Variants in CEACAM7 observed in about 807,000 individuals in gnomAD.
CEACAM7 encodes cell adhesion molecule CEACAM7.
CEACAM7 carries 24 observed loss-of-function variants against 25.7 expected under a neutral mutation model. The ratio of observed to expected loss-of-function variants is 0.93; its 90% CI spans 0.68 to 1.31. CEACAM7 has a LOEUF of 1.31. Among genes scored for constraint, CEACAM7 ranks in the 40% most tolerant of loss-of-function variants. The probability of loss-of-function intolerance (pLI) is 0.00; values close to 1 mark genes in which losing one functional copy is unlikely to be tolerated. For synonymous variants in CEACAM7, 144 were observed against 129.4 expected, an observed-to-expected ratio of 1.11 and a Z score of -0.77; for missense variants, 324 against 330.1, an observed-to-expected ratio of 0.98 and a Z score of 0.14.
chr19:41,676,655 T>C (rs771803867), intron 4 of CEACAM7, among the ~76,000 whole-genome samples: 88 of 152,336 alleles, frequency 5.8e-4, no homozygotes, highest in Middle Eastern at 6.8e-3. Context: ...TTAGGTTGTG[T>C]CCTGAGTCTC....
rs782695391 is a variant in CEACAM7, at chr19:41,688,121, C to G, written c.45G>C (p.Trp15Cys). 6.2e-7 allele frequency: 1 copy of G among 1,611,496 alleles called. No homozygotes were observed. Among genetic ancestry groups the G allele is most frequent in the East Asian group, 2.2e-5 (1 of 44,604 alleles). ...CCTCACCTGTGAGCAGGAGCCCCTG[C>G]CAGGGAATGCACACTCTGTATGGAC... ...SACPYRVCIP[W>C]QGLLLTASLL... The change falls in exon 1 of 5, where the codon TGG becomes TGC. Residue 15 changes from tryptophan (W) to cysteine (C), a missense_variant. Trp to Cys is a radical substitution (Grantham distance 215, BLOSUM62 -2). Transcript: ENST00000401731.
rs117213899 is a variant in CEACAM7 at position 41,674,511 on chromosome 19, A to T, written c.*265T>A. ...TTGGGAAAAACTGTCCACAGCATGA[A>T]GTCATCAACTTCTTGTCCTGGTTGG... is the stretch of plus-strand genomic sequence containing the variant. On this transcript the variant is annotated 3_prime_UTR_variant, in exon 5 of 5. Coordinates refer to ENST00000401731, the MANE Select transcript of CEACAM7 (RefSeq NM_001291485.2). 1.7e-3 allele frequency: 299 copies of T among 171,138 alleles called. 2 individuals are homozygous for T. In the East Asian group the frequency reaches 0.034, roughly 19 times the overall value. The allele number at this position is 171,138 out of a possible 1,614,324, so 10.6% of individuals were successfully genotyped here.
intron 4 of CEACAM7, among the ~76,000 whole-genome samples, chr19:41,675,740 T>C (rs1246982724): frequency 6.6e-6 from 1 of 152,214 alleles, no homozygotes; most frequent in African/African-American, 2.4e-5. Flanking sequence ...GACTTCAGAT[T>C]TGATAGATTT....
chr19:41,687,138 C>T lies in CEACAM7; in HGVS notation c.148G>A (p.Glu50Lys). Residue 50 changes from glutamate (E) to lysine (K), a missense_variant, in exon 2 of 5, where the codon GAG becomes AAG. Transcript: ENST00000401731. Reference protein sequence around the residue: ...VVPFNVAEGKEVLLVVHNESQ... With the variant: ...VVPFNVAEGKKVLLVVHNESQ... Reference sequence around the variant, plus strand: ...TCATTATGGACTACTAGAAGGACCTCCTTCCCTTCTGCGACATTGAACGGC... The same window carrying T: ...TCATTATGGACTACTAGAAGGACCTTCTTCCCTTCTGCGACATTGAACGGC... 2 of 1,614,082 alleles carry T rather than the reference C, an allele frequency of 1.2e-6. No individual in the cohort carries two copies. Among genetic ancestry groups the T allele is most frequent in the Non-Finnish European group, 1.7e-6 (2 of 1,179,966 alleles).
chr19:41,675,758 A>T (rs1568684725), intron 4 of CEACAM7, among the ~76,000 whole-genome samples: 2 of 152,234 alleles, frequency 1.3e-5, no homozygotes, highest in African/African-American at 4.8e-5. Context: ...TTTGATGATA[A>T]TGACACCACT....
intron 3 of CEACAM7, among the ~76,000 whole-genome samples, chr19:41,682,982 G>A (rs1285122859): frequency 6.6e-6 from 1 of 152,230 alleles, no homozygotes; most frequent in South Asian, 2.1e-4. Flanking sequence ...ACAGGGAGGA[G>A]GGTCTGCAGA....
At position 41,687,068 on chromosome 19, in the gene CEACAM7, A is replaced by G; in HGVS notation, c.218T>C (p.Val73Ala). 2 of 1,613,826 alleles carry G rather than the reference A, an allele frequency of 1.2e-6. No homozygotes were observed. The highest frequency in any genetic ancestry group is 1.7e-6 in the Non-Finnish European group (2 of 1,179,960). Residue 73 changes from valine to alanine, a missense_variant, in exon 2 of 5, where the codon GTG (valine) becomes GCG (alanine). Physicochemically the swap from Val to Ala is moderately conservative, Grantham distance 64. Transcript: ENST00000401731. The part of the protein sequence containing the change: ...YGYNWYKGER[V>A]HANYRIIGYV... ...TCCTATAATTCGATAGTTGGCATGCACCCTTTCCCCTTTGTACCAGTTGTA... is the reference window on the plus strand; with the variant it reads ...TCCTATAATTCGATAGTTGGCATGCGCCCTTTCCCCTTTGTACCAGTTGTA...
In CEACAM7 at chr19:41,687,095, C is replaced by T. The variant is rs782368507; in HGVS notation, c.191G>A (p.Gly64Asp). Residue 64 changes from glycine (G) to aspartate (D), a missense_variant, in exon 2 of 5, where the codon GGC becomes GAC. Gly to Asp is a moderately conservative substitution (Grantham distance 94). Coordinates refer to ENST00000401731, the MANE Select transcript of CEACAM7 (RefSeq NM_001291485.2). ...VVHNESQNLY[G>D]YNWYKGERVH... is the part of the protein sequence containing the mutation. ...CCTTTCCCCTTTGTACCAGTTGTAG[C>T]CATAAAGATTCTGGGACTCATTATG... 1.2e-6 allele frequency: 2 copies of T among 1,614,080 alleles called. No individual in the cohort carries two copies. The highest frequency in any genetic ancestry group is 2.2e-5 in the East Asian group (1 of 44,882).
chr19:41,682,967 G>A (rs2072189979), intron 3 of CEACAM7, among the ~76,000 whole-genome samples: 1 of 152,186 alleles, frequency 6.6e-6, no homozygotes, highest in Non-Finnish European at 1.5e-5. Flanking sequence ...AGAAATTACT[G>A]AAGTACAGGG....
rs2072124314 is a variant in CEACAM7 at position 41,677,335 on chromosome 19, C to T, written c.*36+41G>A. On this transcript the variant is annotated intron_variant, in intron 4 of 4. Coordinates refer to ENST00000401731, the MANE Select transcript of CEACAM7 (RefSeq NM_001291485.2). ...CCCTCTCCCAAGCATGGCAGTCAGC[C>T]CTGCAGGAAATAGGATAAGAGGAAA... The T allele has an allele frequency of 3.7e-6, 4 of 1,084,408 alleles. No homozygotes were observed. The South Asian group carries it at 4.0e-5, about 11-fold the overall frequency. The allele number at this position is 1,084,408 out of a possible 1,614,324, so 67.2% of individuals were successfully genotyped here. A position where few individuals can be genotyped will look rare whatever the true frequency, so the allele number is the denominator to read the frequency against.
Position 41,688,208 on chromosome 19 carries a change from C to G in CEACAM7, c.-43G>C. 1.3e-6 allele frequency: 2 copies of G among 1,596,384 alleles called. No homozygotes were observed. Among genetic ancestry groups the G allele is most frequent in the Non-Finnish European group, 1.7e-6 (2 of 1,170,936 alleles). ...TGTCCTCTGTGGAGAAGAGCTTGGGCTCCAGGAACTCTCTTGTCAGGGCTG... is the reference window on the plus strand; with the variant it reads ...TGTCCTCTGTGGAGAAGAGCTTGGGGTCCAGGAACTCTCTTGTCAGGGCTG... On this transcript the variant is annotated 5_prime_UTR_variant, in exon 1 of 5. Coordinates refer to ENST00000401731, the MANE Select transcript of CEACAM7 (RefSeq NM_001291485.2).
rs562758482 is a variant in CEACAM7, at chr19:41,673,403, C to G, written c.*1373G>C. 1.2e-4 allele frequency: 19 copies of G among 152,148 alleles called. No homozygotes were observed. Among genetic ancestry groups the G allele is most frequent in the African/African-American group, 4.6e-4 (19 of 41,424 alleles). The allele number at this position is 152,148 out of a possible 1,614,324, so 9.4% of individuals were successfully genotyped here. On this transcript the variant is annotated 3_prime_UTR_variant, in exon 5 of 5. Coordinates refer to ENST00000401731, the MANE Select transcript of CEACAM7 (RefSeq NM_001291485.2). ...CCTACTGGGCAATACAACAGTAGAA[C>G]AGTGGGTTTTGTAAAATGGGAATCC...
rs2072087904 is a variant in CEACAM7, at chr19:41,673,813, A to G, written c.*963T>C. ...AGTTTTTGTCATTCCAGCCAAAGAG[A>G]GAATATTTGACATTTGACGAATGGC... On this transcript the variant is annotated 3_prime_UTR_variant, in exon 5 of 5. Transcript: ENST00000401731. The G allele has an allele frequency of 6.6e-6, 1 of 152,220 alleles. No homozygotes were observed. Among genetic ancestry groups the G allele is most frequent in the African/African-American group, 2.4e-5 (1 of 41,454 alleles). The allele number at this position is 152,220 out of a possible 1,614,324, so 9.4% of individuals were successfully genotyped here.
intron 1 of CEACAM7, 102 bp downstream of exon 1, chr19:41,688,000 C>T: frequency 1.0e-6 from 1 of 966,110 alleles, no homozygotes; most frequent in South Asian, 1.8e-5. Flanking sequence ...AGGACTTCAA[C>T]AGAAGCCCTT....
In CEACAM7 at chr19:41,687,035, T is replaced by C. The variant is rs1230824131; in HGVS notation, c.251A>G (p.Lys84Arg). Residue 84 changes from lysine (K) to arginine (R), a missense_variant, in exon 2 of 5, where the codon AAA (lysine) becomes AGA (arginine). Lys to Arg is a conservative substitution (Grantham distance 26). Coordinates refer to ENST00000401731, the MANE Select transcript of CEACAM7 (RefSeq NM_001291485.2). ...HANYRIIGYV[K>R]NISQENAPGP... is the part of the protein sequence containing the mutation. The stretch of plus-strand genomic sequence containing the variant: ...TGGGGCATTTTCTTGACTTATATTT[T>C]TTACATATCCTATAATTCGATAGTT... The C allele has an allele frequency of 6.2e-7, 1 of 1,613,936 alleles. No homozygotes were observed. The highest frequency in any genetic ancestry group is 1.3e-5 in the African/African-American group (1 of 74,898).
In CEACAM7 at chr19:41,688,216, ACT is replaced by A; in HGVS notation, c.-53_-52del. On this transcript the variant is annotated 5_prime_UTR_variant, in exon 1 of 5. Coordinates refer to ENST00000401731, the MANE Select transcript of CEACAM7 (RefSeq NM_001291485.2). ...GTGGAGAAGAGCTTGGGCTCCAGGA[ACT>A]CTCTTGTCAGGGCTGCTGTGACTGT... 2.5e-6 allele frequency: 4 copies of A among 1,590,520 alleles called. No homozygotes were observed. Among genetic ancestry groups the A allele is most frequent in the Non-Finnish European group, 3.4e-6 (4 of 1,167,960 alleles).
At chr19:41,677,790 G>A (rs2072130492) in intron 3 of CEACAM7, among the ~76,000 whole-genome samples, 1 of 152,050 alleles carries the variant, frequency 6.6e-6, no homozygotes, top group Non-Finnish European at 1.5e-5. Context: ...TGCTAATCTT[G>A]TATGTCATTA....
At chr19:41,687,344 T>C (rs1404250780) in intron 1 of CEACAM7, 123 bp from the exon 2 acceptor site, 29 of 949,572 alleles carry the variant, frequency 3.1e-5, no homozygotes, top group African/African-American at 1.6e-5. Context: ...TGTGTGTGTG[T>C]GTGTGTGTCC....
At chr19:41,677,587 C>T (rs1373838597) in intron 3 of CEACAM7, 84 bp from the exon 4 acceptor site, 29 of 954,494 alleles carry the variant, frequency 3.0e-5, no homozygotes, top group Admixed American at 9.5e-5. Flanking sequence ...AGCATGAAGT[C>T]GTTTCTATTT....
Sources: gnomAD v4.1 joint callset for allele counts (sites outside exome capture counted in the v4.1 genomes callset) on GRCh38, gnomAD v4.1.1 for gene constraint, MANE v1.5 for transcripts, NCBI Gene and HGNC (gene_info 2026-07-23, HGNC 2026-07-21) for gene names.